The following CLDND1 variants were observed in gnomAD, a reference collection of about 807,000 sequenced individuals.
CLDND1 encodes claudin domain containing 1, also known as claudin domain-containing protein 1.
In CLDND1, 13 loss-of-function variants were observed where a neutral mutation model predicts 26.3. The observed-to-expected ratio is 0.49, with a 90% CI of 0.32 to 0.78. The LOEUF (loss-of-function observed/expected upper bound fraction) is 0.78, where lower values mean the gene tolerates loss of function less well. Among genes scored for constraint, CLDND1 ranks in the 30% least tolerant of loss-of-function variants. The pLI is 0.03. For synonymous variants in CLDND1, 107 were observed against 107.0 expected, an observed-to-expected ratio of 1.00 and a Z score of 0.00; for missense variants, 289 against 312.8, an observed-to-expected ratio of 0.92 and a Z score of 0.57.
Position 98,516,861 on chromosome 3 carries a change from G to A in CLDND1, c.560C>T (p.Ser187Leu), listed in dbSNP as rs755663467. 3.1e-6 allele frequency: 5 copies of A among 1,614,044 alleles called. No homozygotes were observed. The highest frequency in any genetic ancestry group is 4.2e-6 in the Non-Finnish European group (5 of 1,180,002). The part of the protein sequence containing the change: ...HLLAGLCTLG[S>L]VSCYVAGIEL... ...AATTCCAGCAACATAACAACTTACTGAGCCCAGTGTACACAGACCTTGGGG... is the reference window on the plus strand; with the variant it reads ...AATTCCAGCAACATAACAACTTACTAAGCCCAGTGTACACAGACCTTGGGG... Residue 187 changes from serine (S) to leucine (L), a missense_variant, in exon 5 of 5, where the codon TCA (serine) becomes TTA (leucine). Coordinates refer to ENST00000341181, the MANE Select transcript of CLDND1 (RefSeq NM_001040181.2).
Position 98,516,155 on chromosome 3 carries a change from CT to C in CLDND1, c.*503del. 1 of 1,047,760 alleles carries C rather than the reference CT, an allele frequency of 9.5e-7. No individual in the cohort carries two copies. 64.9% of individuals were successfully genotyped at this position (1,047,760 alleles called of 1,614,324 possible). ...TGTGTCAATGCTTAGGGAAAATGATCTTAGATAATTTCCCAATTTTATAGAG... is the reference window on the plus strand; with the variant it reads ...TGTGTCAATGCTTAGGGAAAATGATCTAGATAATTTCCCAATTTTATAGAG... On this transcript the variant is annotated 3_prime_UTR_variant, in exon 5 of 5. Transcript: ENST00000341181.
Position 98,518,935 on chromosome 3 carries a change from T to C in CLDND1, c.353A>G (p.Lys118Arg). The change falls in exon 3 of 5, where the codon AAA (lysine) becomes AGA (arginine). Residue 118 changes from lysine to arginine, a missense_variant. Physicochemically the swap from Lys to Arg is conservative, Grantham distance 26. Coordinates refer to ENST00000341181, the MANE Select transcript of CLDND1 (RefSeq NM_001040181.2). ...SFTLTEQFME[K>R]FVDPGNHNSG... Reference sequence around the variant, plus strand: ...ATTGTGGTTTCCGGGATCAACAAATTTCTCCATGAACTGCTCAGTTAGTGT... The same window carrying C: ...ATTGTGGTTTCCGGGATCAACAAATCTCTCCATGAACTGCTCAGTTAGTGT... 1 of 1,613,954 alleles carries C rather than the reference T, an allele frequency of 6.2e-7. No homozygotes were observed. Among genetic ancestry groups the C allele is most frequent in the Non-Finnish European group, 8.5e-7 (1 of 1,179,846 alleles).
At chr3:98,518,530 T>C (rs1054048422) in intron 3 of CLDND1, among the ~76,000 whole-genome samples, 5 of 152,214 alleles carry the variant, frequency 3.3e-5, no homozygotes, top group Non-Finnish European at 7.3e-5. Context: ...TTTTCACATA[T>C]ACTTACCTGA....
At position 98,518,789 on chromosome 3, in the gene CLDND1, C is replaced by T. The variant is rs2107147698; in HGVS notation, c.403+96G>A. 1.4e-5 allele frequency: 10 copies of T among 739,218 alleles called. No homozygotes were observed. In the South Asian group the frequency reaches 1.5e-4, roughly 11 times the overall value. The allele number at this position is 739,218 out of a possible 1,614,324, so 45.8% of individuals were successfully genotyped here. ...AGATTTTATTTCACGTTGGCACAAT[C>T]TACTAACTCATCTTATTCCAAAAAC... On this transcript the variant is annotated intron_variant, in intron 3 of 4. Coordinates refer to ENST00000341181, the MANE Select transcript of CLDND1 (RefSeq NM_001040181.2).
intron 1 of CLDND1, chr3:98,522,642 G>T (rs1706474484): frequency 7.1e-7 from 1 of 1,408,218 alleles, no homozygotes; most frequent in African/African-American, 1.5e-5. Context: ...GGCCAGGGCT[G>T]GGGCGGGGCA....
rs1275525819 is a variant in CLDND1 at position 98,521,215 on chromosome 3, T to C, written c.210A>G (p.Arg70=). 3.1e-6 allele frequency: 5 copies of C among 1,614,234 alleles called. No homozygotes were observed. Among genetic ancestry groups the C allele is most frequent in the Non-Finnish European group, 4.2e-6 (5 of 1,180,036 alleles). Reference sequence around the variant, plus strand: ...TCCACAATCCCACTGTGCCATTGTATCGAAAAAGTGCATCATTATAAGTCT... The same window carrying C: ...TCCACAATCCCACTGTGCCATTGTACCGAAAAAGTGCATCATTATAAGTCT... The part of the protein sequence containing the change: ...DEKTYNDALF[R]YNGTVGLWRR... The change falls in exon 2 of 5, where the codon CGA becomes CGG. Residue 70 remains arginine (R), a synonymous_variant. Transcript: ENST00000341181.
intron 2 of CLDND1, 22 bp from the exon 3 acceptor site, chr3:98,519,017 G>T: frequency 1.5e-6 from 2 of 1,323,290 alleles, no homozygotes; most frequent in East Asian, 2.3e-5. Flanking sequence ...ACAATTGCCT[G>T]TTGTTTTAAT....
At position 98,518,981 on chromosome 3, in the gene CLDND1, C is replaced by T. The variant is rs749897351; in HGVS notation, c.307G>A (p.Val103Ile). 4.6e-5 allele frequency: 74 copies of T among 1,605,774 alleles called. 1 individual carries two copies. Among genetic ancestry groups the T allele is most frequent in the Middle Eastern group, 3.3e-4 (2 of 6,058 alleles). ...AGTGTGAAACTCACACATTTTGTGA[C>T]CACATCAAATGACTCTGGAACAAGA... The part of the protein sequence containing the change: ...PPERTESFDV[V>I]TKCVSFTLTE... Residue 103 changes from valine (V) to isoleucine (I), a missense_variant, in exon 3 of 5, where the codon GTC becomes ATC. Transcript: ENST00000341181.
chr3:98,521,066 A>G, intron 2 of CLDND1, 67 bp downstream of exon 2: 2 of 1,363,008 alleles, frequency 1.5e-6, no homozygotes, highest in Admixed American at 2.0e-5. Flanking sequence ...GTAATTGGGC[A>G]ATCATTACGT....
chr3:98,522,548 G>C, intron 1 of CLDND1: 6 of 1,322,762 alleles, frequency 4.5e-6, no homozygotes, highest in South Asian at 2.0e-5. Context: ...TGACCTTAAA[G>C]GGTCCCAGCA....
rs1354188156 is a variant in CLDND1, at chr3:98,516,406, C to G, written c.*253G>C. The stretch of plus-strand genomic sequence containing the variant: ...CCAATTTTCTTTCATAAATTTGTGT[C>G]AAGTCTCTATCCATTTCTTTCTGTC... On this transcript the variant is annotated 3_prime_UTR_variant, in exon 5 of 5. Transcript: ENST00000341181. 40 of 1,220,178 alleles carry G rather than the reference C, an allele frequency of 3.3e-5. No homozygotes were observed. The highest frequency in any genetic ancestry group is 3.9e-5 in the Non-Finnish European group (38 of 979,362). The allele number at this position is 1,220,178 out of a possible 1,614,324, so 75.6% of individuals were successfully genotyped here. A position where few individuals can be genotyped will look rare whatever the true frequency, so the allele number is the denominator to read the frequency against.
At position 98,516,563 on chromosome 3, in the gene CLDND1, C is replaced by A; in HGVS notation, c.*96G>T. ...GATTTTCATAATAAAATGGTATATC[C>A]ACAAATAAAAATTAAAAACAATTGA... is the stretch of plus-strand genomic sequence containing the variant. On this transcript the variant is annotated 3_prime_UTR_variant, in exon 5 of 5. Coordinates refer to ENST00000341181, the MANE Select transcript of CLDND1 (RefSeq NM_001040181.2). The A allele has an allele frequency of 6.9e-7, 1 of 1,446,310 alleles. No individual in the cohort carries two copies. Among genetic ancestry groups the A allele is most frequent in the Non-Finnish European group, 9.1e-7 (1 of 1,094,182 alleles). The allele number at this position is 1,446,310 out of a possible 1,614,324, so 89.6% of individuals were successfully genotyped here.
Position 98,515,670 on chromosome 3 carries a change from G to A in CLDND1, c.*989C>T. 1 of 1,260,256 alleles carries A rather than the reference G, an allele frequency of 7.9e-7. No homozygotes were observed. Among genetic ancestry groups the A allele is most frequent in the Non-Finnish European group, 1.0e-6 (1 of 973,866 alleles). The allele number at this position is 1,260,256 out of a possible 1,614,324, so 78.1% of individuals were successfully genotyped here. A position where few individuals can be genotyped will look rare whatever the true frequency, so the allele number is the denominator to read the frequency against. ...GAATTAGAAGACATTAAATAATGTT[G>A]ATACACACCAGGAAGGGATTTAGGC... On this transcript the variant is annotated 3_prime_UTR_variant, in exon 5 of 5. Transcript: ENST00000341181.
chr3:98,516,434 G>C lies in CLDND1; in HGVS notation c.*225C>G, dbSNP rs1416106087. 1 of 1,321,404 alleles carries C rather than the reference G, an allele frequency of 7.6e-7. No homozygotes were observed. The highest frequency in any genetic ancestry group is 9.6e-7 in the Non-Finnish European group (1 of 1,038,732). 81.9% of individuals were successfully genotyped at this position (1,321,404 alleles called of 1,614,324 possible). ...GTCTCTATCCATTTCTTTCTGTCTA[G>C]ACCTAGATTAGTTTATTTGAAAGAT... On this transcript the variant is annotated 3_prime_UTR_variant, in exon 5 of 5. Transcript: ENST00000341181.
At chr3:98,522,330 G>C in intron 1 of CLDND1, 1 of 171,938 alleles carries the variant, frequency 5.8e-6, no homozygotes, top group African/African-American at 2.4e-5. Flanking sequence ...AGATCGCGCT[G>C]AGTCAAATAC....
intron 2 of CLDND1, among the ~76,000 whole-genome samples, chr3:98,519,257 G>C: frequency 6.6e-6 from 1 of 152,156 alleles, no homozygotes; most frequent in East Asian, 1.9e-4. Context: ...AGAAAGCCTA[G>C]GAAGAAGGGG....
intron 3 of CLDND1, 112 bp downstream of exon 3, chr3:98,518,773 T>A (rs1706267703): frequency 1.5e-6 from 1 of 673,762 alleles, no homozygotes; most frequent in African/African-American, 1.8e-5. Context: ...GAGATTTTAT[T>A]TCACGTTGGC....
At position 98,515,824 on chromosome 3, in the gene CLDND1, A is replaced by C; in HGVS notation, c.*835T>G. 1.6e-6 allele frequency: 2 copies of C among 1,289,554 alleles called. No homozygotes were observed. Among genetic ancestry groups the C allele is most frequent in the Non-Finnish European group, 1.0e-6 (1 of 988,706 alleles). 79.9% of individuals were successfully genotyped at this position (1,289,554 alleles called of 1,614,324 possible). A position where few individuals can be genotyped will look rare whatever the true frequency, so the allele number is the denominator to read the frequency against. Reference sequence around the variant, plus strand: ...GTCATTATGGTGAAACGTTCTTTATAGTACTGGGCTGGAATAAATAAATAG... The same window carrying C: ...GTCATTATGGTGAAACGTTCTTTATCGTACTGGGCTGGAATAAATAAATAG... On this transcript the variant is annotated 3_prime_UTR_variant, in exon 5 of 5. Transcript: ENST00000341181.
At position 98,515,632 on chromosome 3, in the gene CLDND1, T is replaced by TA. The variant is rs966876902; in HGVS notation, c.*1026dup. ...AGTTCAATGTTTATAGACATACTTA[T>TA]AAAAAAATGACTGAATTAGAAGACA... On this transcript the variant is annotated 3_prime_UTR_variant, in exon 5 of 5. Transcript: ENST00000341181. 365 of 1,139,934 alleles carry TA rather than the reference T, an allele frequency of 3.2e-4. No homozygotes were observed. The highest frequency in any genetic ancestry group is 3.5e-4 in the Non-Finnish European group (321 of 909,762). The allele number at this position is 1,139,934 out of a possible 1,614,324, so 70.6% of individuals were successfully genotyped here.
Sources: gnomAD v4.1 joint callset for allele counts (sites outside exome capture counted in the v4.1 genomes callset) on GRCh38, gnomAD v4.1.1 for gene constraint, MANE v1.5 for transcripts, NCBI Gene and HGNC (gene_info 2026-07-23, HGNC 2026-07-21) for gene names.